SPAG16: variants seen among roughly 807,000 people sequenced by gnomAD.
SPAG16 encodes the protein sperm associated antigen 16, also known as sperm-associated antigen 16 protein.
SPAG16 carries 86 observed loss-of-function variants against 80.4 expected under a neutral mutation model. That is an observed-to-expected ratio of 1.07 (90% CI 0.90 to 1.28). The LOEUF (loss-of-function observed/expected upper bound fraction) is 1.28. Among genes scored for constraint, SPAG16 ranks in the 50% most tolerant of loss-of-function variants. SPAG16 has a pLI of 0.00. For missense variants in SPAG16, 870 were observed against 765.3 expected, an observed-to-expected ratio of 1.14 and a Z score of -1.61; for synonymous variants, 294 against 265.9, an observed-to-expected ratio of 1.11 and a Z score of -1.03.
intron 10 of SPAG16, among the ~76,000 whole-genome samples, chr2:213,535,394 T>TA (rs1208754271): frequency 6.6e-6 from 1 of 152,114 alleles, no homozygotes; most frequent in Admixed American, 6.6e-5. Context: ...ATGGGAAATA[T>TA]AAAAAAGACA....
At chr2:213,695,309 A>AC (rs1464034408) in intron 10 of SPAG16, among the ~76,000 whole-genome samples, 1 of 152,172 alleles carries the variant, frequency 6.6e-6, no homozygotes, top group African/African-American at 2.4e-5. Flanking sequence ...AACTTAACTA[A>AC]CAAGGTATCA....
intron 15 of SPAG16, among the ~76,000 whole-genome samples, chr2:214,406,536 A>T (rs1702007670): frequency 6.6e-6 from 1 of 152,158 alleles, no homozygotes; most frequent in Non-Finnish European, 1.5e-5. Flanking sequence ...TTTTATAACA[A>T]ATTCAATTGA....
At chr2:213,354,521 T>C (rs1296314712) in intron 7 of SPAG16, among the ~76,000 whole-genome samples, 1 of 152,200 alleles carries the variant, frequency 6.6e-6, no homozygotes, top group African/African-American at 2.4e-5. Flanking sequence ...AAATCATTCC[T>C]ATTTCTCCAC....
intron 12 of SPAG16, among the ~76,000 whole-genome samples, chr2:214,006,539 A>G (rs2047033367): frequency 6.6e-6 from 1 of 152,246 alleles, no homozygotes; most frequent in African/African-American, 2.4e-5. Flanking sequence ...CCAAGACGTA[A>G]GTTAAGAAAG....
At chr2:213,753,537 G>C (rs2068181955) in intron 10 of SPAG16, among the ~76,000 whole-genome samples, 1 of 152,170 alleles carries the variant, frequency 6.6e-6, no homozygotes, top group Non-Finnish European at 1.5e-5. Context: ...TGTATATTCA[G>C]ATTAAGACAT....
intron 13 of SPAG16, among the ~76,000 whole-genome samples, chr2:214,030,243 T>C (rs992124862): frequency 2.0e-5 from 3 of 152,194 alleles, no homozygotes; most frequent in Non-Finnish European, 4.4e-5. Flanking sequence ...CTTTCTGAGG[T>C]TGGATTATTT....
chr2:213,666,161 A>G (rs1239117165), intron 10 of SPAG16, among the ~76,000 whole-genome samples: 5 of 152,190 alleles, frequency 3.3e-5, no homozygotes, highest in African/African-American at 9.6e-5. Flanking sequence ...CATAACATCT[A>G]TTAACAACTT....
intron 15 of SPAG16, among the ~76,000 whole-genome samples, chr2:214,193,732 A>T (rs2125702840): frequency 6.6e-6 from 1 of 152,182 alleles, no homozygotes; most frequent in South Asian, 2.1e-4. Flanking sequence ...AGTACAGGTT[A>T]TTGTCCTCCA....
At chr2:213,471,187 C>T (rs984199440) in intron 9 of SPAG16, among the ~76,000 whole-genome samples, 2 of 152,194 alleles carry the variant, frequency 1.3e-5, no homozygotes, top group Admixed American at 1.3e-4. Flanking sequence ...TTAATCTTCT[C>T]TTCCTCTTTC....
intron 14 of SPAG16, among the ~76,000 whole-genome samples, chr2:214,118,627 T>A (rs1399359667): frequency 2.0e-5 from 3 of 152,092 alleles, no homozygotes; most frequent in Non-Finnish European, 4.4e-5. Context: ...TCTTGAGAAC[T>A]CACACACTAT....
At chr2:213,708,816 A>G (rs2125352401) in intron 10 of SPAG16, among the ~76,000 whole-genome samples, 1 of 152,186 alleles carries the variant, frequency 6.6e-6, no homozygotes, top group Non-Finnish European at 1.5e-5. Flanking sequence ...TGGGGTATCT[A>G]TTTCTCCCAA....
chr2:214,298,502 A>T (rs1203913760), intron 15 of SPAG16, among the ~76,000 whole-genome samples: 2 of 152,128 alleles, frequency 1.3e-5, no homozygotes, highest in African/African-American at 4.8e-5. Context: ...GGTAAGTGGA[A>T]CCTAAAGGAG....
chr2:214,333,023 A>G (rs1006467640), intron 15 of SPAG16, among the ~76,000 whole-genome samples: 1 of 152,188 alleles, frequency 6.6e-6, no homozygotes, highest in Non-Finnish European at 1.5e-5. Context: ...AATGGTTTAA[A>G]TATTTCTTTT....
At chr2:213,887,526 T>G (rs1040751093) in intron 11 of SPAG16, among the ~76,000 whole-genome samples, 3 of 151,876 alleles carry the variant, frequency 2.0e-5, no homozygotes, top group African/African-American at 7.2e-5. Flanking sequence ...AACATGTAAT[T>G]TAAAAAATAT....
At chr2:214,144,581 C>G (rs976234945) in intron 14 of SPAG16, among the ~76,000 whole-genome samples, 6 of 152,068 alleles carry the variant, frequency 3.9e-5, no homozygotes, top group Non-Finnish European at 8.8e-5. Context: ...GTGTTTACAA[C>G]ATTCTCATGT....
chr2:213,681,884 C>A (rs187878531), intron 10 of SPAG16, among the ~76,000 whole-genome samples: 1 of 152,258 alleles, frequency 6.6e-6, no homozygotes, highest in African/African-American at 2.4e-5. Context: ...TTTTGACAAA[C>A]TAAAGATGTG....
chr2:214,401,081 G>A (rs116085995), intron 15 of SPAG16, among the ~76,000 whole-genome samples: 289 of 152,006 alleles, frequency 1.9e-3, no homozygotes, highest in African/African-American at 6.7e-3. Context: ...CAGCAGTAAG[G>A]TACAAAATAA....
intron 15 of SPAG16, among the ~76,000 whole-genome samples, chr2:214,237,236 C>T (rs1440654797): frequency 2.0e-5 from 3 of 151,926 alleles, no homozygotes; most frequent in African/African-American, 7.3e-5. Flanking sequence ...ATAAAGAAAG[C>T]ACTTAAGAGA....
chr2:214,372,241 T>C (rs764167558), intron 15 of SPAG16, among the ~76,000 whole-genome samples: 1 of 152,200 alleles, frequency 6.6e-6, no homozygotes, highest in Non-Finnish European at 1.5e-5. Flanking sequence ...ATGTTTCGTC[T>C]CTATTATAGA....
Sources: gnomAD v4.1 joint callset for allele counts (sites outside exome capture counted in the v4.1 genomes callset) on GRCh38, gnomAD v4.1.1 for gene constraint, MANE v1.5 for transcripts, NCBI Gene and HGNC (gene_info 2026-07-23, HGNC 2026-07-21) for gene names.